The following PDE1C variants were observed in gnomAD, a reference collection of about 807,000 sequenced individuals.
PDE1C encodes dual specificity calcium/calmodulin-dependent 3',5'-cyclic nucleotide phosphodiesterase 1C.
Under a neutral mutation model 93.1 loss-of-function variants are expected in PDE1C, and 62 were observed. That is an observed-to-expected ratio of 0.67 (90% CI 0.54 to 0.82). The LOEUF (loss-of-function observed/expected upper bound fraction) is 0.82. PDE1C is among the 40% of genes least tolerant of loss of function. PDE1C has a pLI of 0.00. For missense variants in PDE1C, 742 were observed against 884.6 expected (o/e 0.84, Z 2.04); for synonymous variants, 325 against 310.1 (o/e 1.05, Z -0.50).
the PDE1C span, among the ~76,000 whole-genome samples, chr7:31,626,678 C>A: frequency 6.6e-6 from 1 of 152,144 alleles, no homozygotes; most frequent in Admixed American, 6.5e-5. Context: ...GCTTCTGGAT[C>A]CCTAAAGGGA....
chr7:31,642,328 G>T, the PDE1C span: 1 of 1,073,108 alleles, frequency 9.3e-7, no homozygotes, highest in South Asian at 1.5e-5. Context: ...CAACCAGGCT[G>T]CCACCCAAAC....
chr7:32,070,070 C>T (rs926858313), intron 1 of PDE1C, among the ~76,000 whole-genome samples: 1 of 152,188 alleles, frequency 6.6e-6, no homozygotes, highest in Admixed American at 6.5e-5. Context: ...CCCAAAAAAG[C>T]ATGACTTGGA....
rs751320538 is a variant in PDE1C at position 31,841,227 on chromosome 7, C to CTCTATATATATA, written c.981-3257_981-3256insTATATATATAGA. Reference sequence around the variant, plus strand: ...TCTCTCTGTCTCTCTCTCTCTCTCTCTATATATATATATATATGTATATGT... The same window carrying CTCTATATATATA: ...TCTCTCTGTCTCTCTCTCTCTCTCTCTCTATATATATATATATATATATATATATGTATATGT... On this transcript the variant is annotated intron_variant, in intron 9 of 17. Transcript: ENST00000396191. Among the ~76,000 whole-genome samples, 323 of 142,264 alleles carry CTCTATATATATA rather than the reference C, an allele frequency of 2.3e-3. 1 individual carries two copies. Among genetic ancestry groups the CTCTATATATATA allele is most frequent in the Middle Eastern group, 3.6e-3 (1 of 278 alleles). 93.3% of individuals were successfully genotyped at this position (142,264 alleles called of 152,430 possible).
chr7:31,764,617 C>T (rs112506571), intron 17 of PDE1C, among the ~76,000 whole-genome samples: 127 of 152,244 alleles, frequency 8.3e-4, no homozygotes, highest in African/African-American at 3.0e-3. Flanking sequence ...AGACACGTTG[C>T]GTTTATTATG....
chr7:31,962,845 A>G (rs1037277264), intron 2 of PDE1C, among the ~76,000 whole-genome samples: 5 of 152,210 alleles, frequency 3.3e-5, no homozygotes, highest in East Asian at 1.9e-4. Context: ...AGGGCTTGCT[A>G]CATGAGAAGT....
At chr7:31,838,369 G>A (rs1248655119) in intron 9 of PDE1C, among the ~76,000 whole-genome samples, 2 of 152,112 alleles carry the variant, frequency 1.3e-5, no homozygotes, top group African/African-American at 4.8e-5. Context: ...TTTAAAAATA[G>A]CTTGATTTTT....
At chr7:31,913,211 T>C (rs530374634) in intron 2 of PDE1C, among the ~76,000 whole-genome samples, 1 of 152,316 alleles carries the variant, frequency 6.6e-6, no homozygotes, top group East Asian at 1.9e-4. Context: ...TTCTTCCATG[T>C]TATTTACAAC....
In PDE1C at chr7:31,946,846, G is replaced by A. The variant is rs546513762; in HGVS notation, c.129-65986C>T. On this transcript the variant is annotated intron_variant, in intron 2 of 17. Coordinates refer to ENST00000396191, the MANE Select transcript of PDE1C (RefSeq NM_001191057.4). Reference sequence around the variant, plus strand: ...CCAGCTGCCCCAACATCTCTAAAGTGTGTGTGTGATTTTTTTCCTTGCTAT... The same window carrying A: ...CCAGCTGCCCCAACATCTCTAAAGTATGTGTGTGATTTTTTTCCTTGCTAT... Among the ~76,000 whole-genome samples the A allele has an allele frequency of 4.6e-5, 7 of 152,262 alleles. No homozygotes were observed. The South Asian group carries it at 1.4e-3, about 32-fold the overall frequency.
At chr7:31,676,335 A>G in the PDE1C span, among the ~76,000 whole-genome samples, 1 of 152,232 alleles carries the variant, frequency 6.6e-6, no homozygotes, top group Non-Finnish European at 1.5e-5. Context: ...AAATCTCAAT[A>G]GATTCCCAAG....
the PDE1C span, among the ~76,000 whole-genome samples, chr7:31,626,445 GAAGT>G: frequency 6.6e-6 from 1 of 152,132 alleles, no homozygotes; most frequent in East Asian, 1.9e-4. Context: ...TATTTAGATA[GAAGT>G]AAGTTTTCCC....
chr7:32,155,215 A>T (rs565353078), intron 3 of PDE1C, among the ~76,000 whole-genome samples: 1 of 152,302 alleles, frequency 6.6e-6, no homozygotes, highest in Admixed American at 6.5e-5. Flanking sequence ...TTCTGGAGCC[A>T]AACTGTCTGG....
chr7:32,240,078 T>G (rs1808432555), intron 1 of PDE1C, among the ~76,000 whole-genome samples: 1 of 152,218 alleles, frequency 6.6e-6, no homozygotes, highest in Non-Finnish European at 1.5e-5. Flanking sequence ...GATTTTTTGT[T>G]GTTTGTTTGT....
chr7:32,250,236 C>T (rs940399662), intron 1 of PDE1C, among the ~76,000 whole-genome samples: 1 of 152,168 alleles, frequency 6.6e-6, no homozygotes, highest in Admixed American at 6.5e-5. Context: ...GTAGACAGTG[C>T]TACTATCCCC....
At chr7:31,961,808 C>T (rs2129033035) in intron 2 of PDE1C, among the ~76,000 whole-genome samples, 1 of 152,140 alleles carries the variant, frequency 6.6e-6, no homozygotes, top group East Asian at 1.9e-4. Context: ...AGGCAAAAAC[C>T]AACACCAATA....
In PDE1C at chr7:31,837,216, G is replaced by A; in HGVS notation, c.1167C>T (p.Arg389=). Residue 389 remains arginine (R), a synonymous_variant, in exon 11 of 18, where the codon CGC becomes CGT. Coordinates refer to ENST00000396191, the MANE Select transcript of PDE1C (RefSeq NM_001191057.4). ...ACTCCTCCAGGAGTGACATTGTCCA[G>A]CGATGATGGAGGTCCCATGCTTTTG... is the stretch of plus-strand genomic sequence containing the variant. ...HPAKAWDLHH[R]WTMSLLEEFF... The A allele has an allele frequency of 6.2e-7, 1 of 1,613,818 alleles. No individual in the cohort carries two copies. The highest frequency in any genetic ancestry group is 1.1e-5 in the South Asian group (1 of 91,076).
the PDE1C span, among the ~76,000 whole-genome samples, chr7:31,676,218 T>C: frequency 1.3e-5 from 2 of 152,120 alleles, no homozygotes; most frequent in African/African-American, 4.8e-5. Flanking sequence ...AGCCAGAGTG[T>C]AAGATGTACC....
intron 2 of PDE1C, among the ~76,000 whole-genome samples, chr7:32,201,919 G>A (rs1805042372): frequency 1.3e-5 from 2 of 152,190 alleles, no homozygotes; most frequent in Non-Finnish European, 2.9e-5. Flanking sequence ...AGGAGGAGGA[G>A]CTTCGTAGCA....
At chr7:32,386,089 CTTTTTTT>C (rs3079658) in intron 1 of PDE1C, among the ~76,000 whole-genome samples, 2 of 137,520 alleles carry the variant, frequency 1.5e-5, no homozygotes, top group African/African-American at 2.7e-5. Flanking sequence ...CTTTTTCTTT[CTTTTTTT>C]TTTTTTTTTT....
chr7:31,931,122 G>A (rs1163447408), intron 2 of PDE1C, among the ~76,000 whole-genome samples: 3 of 152,106 alleles, frequency 2.0e-5, no homozygotes, highest in African/African-American at 7.2e-5. Context: ...CAAAGCCATA[G>A]CCGATATCAT....
Sources: gnomAD v4.1 joint callset for allele counts (sites outside exome capture counted in the v4.1 genomes callset) on GRCh38, gnomAD v4.1.1 for gene constraint, MANE v1.5 for transcripts, NCBI Gene and HGNC (gene_info 2026-07-23, HGNC 2026-07-21) for gene names.